The following TMEM222 variants were observed in gnomAD, a reference collection of about 807,000 sequenced individuals.
The protein encoded by TMEM222 is chromosome 1 open reading frame 160.
TMEM222 carries 18 observed loss-of-function variants against 25.1 expected under a neutral mutation model. That is an observed-to-expected ratio of 0.72 (90% CI 0.50 to 1.06). The LOEUF (loss-of-function observed/expected upper bound fraction) is 1.06, where lower values mean the gene tolerates loss of function less well. Ranked by LOEUF, TMEM222 falls within the 50% of genes least tolerant of loss-of-function variation. The pLI is 0.00. For missense variants in TMEM222, 296 were observed against 293.7 expected, an observed-to-expected ratio of 1.01 and a Z score of -0.06; for synonymous variants, 131 against 117.9, an observed-to-expected ratio of 1.11 and a Z score of -0.72.
intron 3 of TMEM222, 178 bp downstream of exon 3, chr1:27,332,279 C>G: frequency 2.7e-6 from 2 of 731,454 alleles, no homozygotes; most frequent in Non-Finnish European, 4.9e-6. Context: ...GTGTACCGCA[C>G]CAGCCCCTGG....
chr1:27,330,617 T>C, intron 1 of TMEM222, 103 bp from the exon 2 acceptor site: 1 of 981,984 alleles, frequency 1.0e-6, no homozygotes, highest in Non-Finnish European at 1.6e-6. Context: ...CAATGAAACG[T>C]AATATTCACA....
In TMEM222 at chr1:27,322,185, G is replaced by T; in HGVS notation, c.-13G>T. 1 of 1,380,988 alleles carries T rather than the reference G, an allele frequency of 7.2e-7. No homozygotes were observed. Among genetic ancestry groups the T allele is most frequent in the South Asian group, 1.6e-5 (1 of 61,150 alleles). The allele number at this position is 1,380,988 out of a possible 1,614,324, so 85.5% of individuals were successfully genotyped here. ...ACCAGAGCCGGGGCCAGTCGGAGCG[G>T]GGCGCGCGCCGCATGGCGGAAGCGG... is the stretch of plus-strand genomic sequence containing the variant. On this transcript the variant is annotated 5_prime_UTR_variant, in exon 1 of 6. Coordinates refer to ENST00000374076, the MANE Select transcript of TMEM222 (RefSeq NM_032125.3).
chr1:27,330,612 A>G (rs2014455343), intron 1 of TMEM222, 108 bp from the exon 2 acceptor site: 1 of 944,952 alleles, frequency 1.1e-6, no homozygotes, highest in Admixed American at 1.9e-5. Context: ...CCTGTCAATG[A>G]AACGTAATAT....
chr1:27,322,301 A>G lies in TMEM222; in HGVS notation c.104A>G (p.Lys35Arg), dbSNP rs778109105. The G allele has an allele frequency of 5.8e-6, 9 of 1,563,574 alleles. No homozygotes were observed. Among genetic ancestry groups the G allele is most frequent in the Non-Finnish European group, 7.8e-6 (9 of 1,152,572 alleles). Reference protein sequence around the residue: ...EAPTAAETDMKQYQGSGGVAM... With the variant: ...EAPTAAETDMRQYQGSGGVAM... ...CCGACGGCGGCCGAGACGGACATGA[A>G]GCAATATCAAGGCTCCGGCGGCGTC... The change falls in exon 1 of 6, where the codon AAG becomes AGG. Residue 35 changes from lysine to arginine, a missense_variant. Coordinates refer to ENST00000374076, the MANE Select transcript of TMEM222 (RefSeq NM_032125.3).
At chr1:27,325,797 A>G in intron 1 of TMEM222, 3 of 805,092 alleles carry the variant, frequency 3.7e-6, no homozygotes, top group Non-Finnish European at 2.3e-6. Context: ...ATGCTTCTAA[A>G]TGGACTGCGA....
At position 27,334,264 on chromosome 1, in the gene TMEM222, C is replaced by A. The variant is rs768649948; in HGVS notation, c.522C>A (p.Leu174=). 2.5e-6 allele frequency: 4 copies of A among 1,614,240 alleles called. No homozygotes were observed. Among genetic ancestry groups the A allele is most frequent in the Non-Finnish European group, 2.5e-6 (3 of 1,180,042 alleles). The change falls in exon 5 of 6, where the codon CTC becomes CTA. Residue 174 remains leucine, a synonymous_variant. Coordinates refer to ENST00000374076, the MANE Select transcript of TMEM222 (RefSeq NM_032125.3). ...NMVTLCFFCL[L]YGKYVSVGAF... is the part of the protein sequence containing the mutation. ...TGACGCTCTGCTTCTTCTGCCTGCT[C>A]TACGGGAAGTACGTCAGGTGAGCTG...
chr1:27,335,462 G>A lies in TMEM222; in HGVS notation c.623G>A (p.Arg208Gln), dbSNP rs201968969. The A allele has an allele frequency of 1.3e-5, 21 of 1,614,120 alleles. No individual in the cohort carries two copies. Among genetic ancestry groups the A allele is most frequent in the Middle Eastern group, 1.6e-4 (1 of 6,062 alleles). The change falls in exon 6 of 6, where the codon CGG (arginine) becomes CAG (glutamine). Residue 208 changes from arginine (R) to glutamine (Q), a missense_variant. Coordinates refer to ENST00000374076, the MANE Select transcript of TMEM222 (RefSeq NM_032125.3). The stretch of plus-strand genomic sequence containing the variant: ...ACCGTCAGCCTGGTCTTTAACCTCC[G>A]GTGATGGCTGCTCGGTGGCCCCACA... ...ILTVSLVFNL[R>Q]
chr1:27,335,356 G>C, intron 5 of TMEM222, 23 bp from the exon 6 acceptor site: 1 of 1,613,300 alleles, frequency 6.2e-7, no homozygotes, highest in Non-Finnish European at 8.5e-7. Context: ...GCCCACCTAT[G>C]CTCGCTCCTT....
intron 1 of TMEM222, among the ~76,000 whole-genome samples, chr1:27,326,894 G>A (rs1227082328): frequency 3.3e-5 from 5 of 152,024 alleles, no homozygotes; most frequent in African/African-American, 2.4e-5. Context: ...CACTTTGAGG[G>A]TTTCTTCTCT....
At chr1:27,334,854 G>C in intron 5 of TMEM222, 1 of 1,071,224 alleles carries the variant, frequency 9.3e-7, no homozygotes, top group Non-Finnish European at 1.2e-6. Context: ...TTTAAGTACT[G>C]CATGGCTTTT....
chr1:27,324,923 T>C (rs994866373), intron 1 of TMEM222, among the ~76,000 whole-genome samples: 1 of 152,106 alleles, frequency 6.6e-6, no homozygotes, highest in Non-Finnish European at 1.5e-5. Flanking sequence ...AAAACCAGCC[T>C]CATGATCCCA....
At chr1:27,325,429 G>A (rs1234664944) in intron 1 of TMEM222, 18 of 1,181,188 alleles carry the variant, frequency 1.5e-5, no homozygotes, top group Admixed American at 3.4e-5. Context: ...AGCAACAAGC[G>A]GTTCCAGTGT....
chr1:27,327,153 T>C (rs1557522439), intron 1 of TMEM222, among the ~76,000 whole-genome samples: 1 of 152,192 alleles, frequency 6.6e-6, no homozygotes, highest in African/African-American at 2.4e-5. Context: ...GCTTATGTAT[T>C]GAACACCTCG....
At chr1:27,325,528 TA>T in intron 1 of TMEM222, 1 of 1,443,386 alleles carries the variant, frequency 6.9e-7, no homozygotes. Flanking sequence ...AAGTGTGACG[TA>T]GACATCCGCA....
intron 4 of TMEM222, 48 bp downstream of exon 4, chr1:27,334,102 G>T (rs763945745): frequency 6.2e-7 from 1 of 1,613,914 alleles, no homozygotes; most frequent in Non-Finnish European, 8.5e-7. Context: ...GGGACCAGGG[G>T]GGAGGCTCCC....
At chr1:27,331,067 C>T in intron 2 of TMEM222, 4 of 1,383,094 alleles carry the variant, frequency 2.9e-6, no homozygotes, top group Non-Finnish European at 3.8e-6. Flanking sequence ...GGTACCGAGA[C>T]ATGGGTAGGG....
Position 27,334,261 on chromosome 1 carries a change from G to C in TMEM222, c.519G>C (p.Leu173=). 6.2e-7 allele frequency: 1 copy of C among 1,614,260 alleles called. No homozygotes were observed. The highest frequency in any genetic ancestry group is 8.5e-7 in the Non-Finnish European group (1 of 1,180,050). The part of the protein sequence containing the change: ...WNMVTLCFFC[L]LYGKYVSVGA... Reference sequence around the variant, plus strand: ...TGGTGACGCTCTGCTTCTTCTGCCTGCTCTACGGGAAGTACGTCAGGTGAG... The same window carrying C: ...TGGTGACGCTCTGCTTCTTCTGCCTCCTCTACGGGAAGTACGTCAGGTGAG... The change falls in exon 5 of 6, where the codon CTG becomes CTC. Residue 173 remains leucine (L), a synonymous_variant. Coordinates refer to ENST00000374076, the MANE Select transcript of TMEM222 (RefSeq NM_032125.3).
At chr1:27,325,446 G>T in intron 1 of TMEM222, 1 of 1,260,202 alleles carries the variant, frequency 7.9e-7, no homozygotes, top group Non-Finnish European at 1.2e-6. Flanking sequence ...GTGTCCGGAG[G>T]CGCTGTTCCA....
rs1367896210 is a variant in TMEM222, at chr1:27,322,377, C to T, written c.180C>T (p.Pro60=). The T allele has an allele frequency of 2.1e-6, 3 of 1,455,788 alleles. No homozygotes were observed. The highest frequency in any genetic ancestry group is 4.7e-5 in the Admixed American group (2 of 42,476). The allele number at this position is 1,455,788 out of a possible 1,614,324, so 90.2% of individuals were successfully genotyped here. A position where few individuals can be genotyped will look rare whatever the true frequency, so the allele number is the denominator to read the frequency against. ...SRFPYCVVWT[P]IPVLTWFFPI... ...TCCCCTACTGCGTGGTGTGGACGCC[C>T]ATCCCGGTGCTCACGTGAGTCTCTT... Residue 60 remains proline (P), a synonymous_variant, in exon 1 of 6, where the codon CCC becomes CCT. Coordinates refer to ENST00000374076, the MANE Select transcript of TMEM222 (RefSeq NM_032125.3).
Sources: gnomAD v4.1 joint callset for allele counts (sites outside exome capture counted in the v4.1 genomes callset) on GRCh38, gnomAD v4.1.1 for gene constraint, MANE v1.5 for transcripts, NCBI Gene and HGNC (gene_info 2026-07-23, HGNC 2026-07-21) for gene names.